SLC35F3: variants seen among roughly 807,000 people sequenced by gnomAD.
SLC35F3 encodes putative thiamine transporter SLC35F3.
SLC35F3 carries 25 observed loss-of-function variants against 49.9 expected under a neutral mutation model. That is an observed-to-expected ratio of 0.50 (90% CI 0.37 to 0.70). The LOEUF is 0.70. SLC35F3 is among the 30% of genes least tolerant of loss of function. The probability of loss-of-function intolerance (pLI) is 0.00; values close to 1 mark genes in which losing one functional copy is unlikely to be tolerated. For synonymous variants in SLC35F3, 275 were observed against 265.4 expected (o/e 1.04, Z -0.35); for missense variants, 525 against 639.8 (o/e 0.82, Z 1.94).
At chr1:234,268,236 C>G (rs1470214579) in intron 3 of SLC35F3, among the ~76,000 whole-genome samples, 1 of 152,180 alleles carries the variant, frequency 6.6e-6, no homozygotes, top group Non-Finnish European at 1.5e-5. Context: ...GCGGATCACT[C>G]GCGATTAGGA....
chr1:234,171,436 AG>A (rs1227212903), intron 2 of SLC35F3, among the ~76,000 whole-genome samples: 1 of 152,236 alleles, frequency 6.6e-6, no homozygotes, highest in Non-Finnish European at 1.5e-5. Flanking sequence ...ATGTTGAGAT[AG>A]ATGTAAATTT....
chr1:234,236,925 TTA>T (rs55846915), intron 3 of SLC35F3, among the ~76,000 whole-genome samples: 1,682 of 96,084 alleles, frequency 0.018, 43 homozygotes, highest in African/African-American at 0.058. Flanking sequence ...AAAAAAAAAA[TTA>T]TATATATATA....
intron 2 of SLC35F3, among the ~76,000 whole-genome samples, chr1:233,989,847 G>T (rs1663324701): frequency 6.6e-6 from 1 of 151,900 alleles, no homozygotes; most frequent in African/African-American, 2.4e-5. Context: ...TTTACTAGCT[G>T]GGCTATCACA....
intron 2 of SLC35F3, among the ~76,000 whole-genome samples, chr1:233,978,885 G>A (rs1663134447): frequency 6.6e-6 from 1 of 151,902 alleles, no homozygotes; most frequent in South Asian, 2.1e-4. Context: ...ACAAAAATTA[G>A]TATTTTTAGA....
intron 2 of SLC35F3, among the ~76,000 whole-genome samples, chr1:234,136,781 C>T (rs1292091587): frequency 2.0e-5 from 3 of 152,222 alleles, no homozygotes; most frequent in African/African-American, 4.8e-5. Context: ...TGCAGGCCAG[C>T]CTGTTGACCT....
At chr1:233,996,420 G>A (rs921537059) in intron 2 of SLC35F3, among the ~76,000 whole-genome samples, 11 of 152,070 alleles carry the variant, frequency 7.2e-5, no homozygotes, top group African/African-American at 2.2e-4. Context: ...ATACTGAGGG[G>A]CAACTCTGTA....
chr1:233,993,877 A>G (rs1266432001), intron 2 of SLC35F3, among the ~76,000 whole-genome samples: 1 of 152,196 alleles, frequency 6.6e-6, no homozygotes, highest in Non-Finnish European at 1.5e-5. Flanking sequence ...CTCAGGAAGT[A>G]CAGATGACTC....
chr1:234,224,573 G>C (rs1046880403), intron 2 of SLC35F3, among the ~76,000 whole-genome samples: 4 of 152,196 alleles, frequency 2.6e-5, no homozygotes, highest in African/African-American at 9.7e-5. Flanking sequence ...CATACCTGAA[G>C]TCCCTCTTTA....
chr1:234,231,214 C>T lies in SLC35F3; in HGVS notation c.284-203C>T. Among the ~76,000 whole-genome samples the T allele has an allele frequency of 6.6e-6, 1 of 152,184 alleles. No individual in the cohort carries two copies. The highest frequency in any genetic ancestry group is 1.9e-4 in the East Asian group (1 of 5,190). Reference sequence around the variant, plus strand: ...CCCAGGGACCACACTTGGAGAGCCTCGGACCTGGAGGACAGGAAAACCAGT... The same window carrying T: ...CCCAGGGACCACACTTGGAGAGCCTTGGACCTGGAGGACAGGAAAACCAGT... On this transcript the variant is annotated intron_variant, in intron 2 of 7. Transcript: ENST00000366618. This position sits in a 1 kb window ranked among gnomAD's most constrained non-coding sequence, Gnocchi z 5.4.
intron 3 of SLC35F3, among the ~76,000 whole-genome samples, chr1:234,239,388 C>T (rs1449265654): frequency 6.6e-6 from 1 of 152,136 alleles, no homozygotes; most frequent in Non-Finnish European, 1.5e-5. Flanking sequence ...AATGTGGAGC[C>T]ATTTCTTACT....
chr1:234,056,028 GTTTT>G (rs1664453008), intron 2 of SLC35F3, among the ~76,000 whole-genome samples: 1 of 151,952 alleles, frequency 6.6e-6, no homozygotes, highest in South Asian at 2.1e-4. Context: ...TTGTTTTCTA[GTTTT>G]TTTAAGTCTT....
intron 2 of SLC35F3, among the ~76,000 whole-genome samples, chr1:234,195,641 C>T (rs1395977417): frequency 1.3e-5 from 2 of 152,054 alleles, no homozygotes; most frequent in Non-Finnish European, 2.9e-5. Flanking sequence ...CCTGAAAACC[C>T]ATTAATACCC....
Position 234,219,530 on chromosome 1 carries a change from T to A in SLC35F3, c.284-11887T>A, listed in dbSNP as rs1200997916. 3.9e-5 allele frequency among the ~76,000 whole-genome samples: 6 copies of A among 152,226 alleles called. No individual in the cohort carries two copies. The South Asian group carries it at 8.3e-4, about 21-fold the overall frequency. On this transcript the variant is annotated intron_variant, in intron 2 of 7. Coordinates refer to ENST00000366618, the MANE Select transcript of SLC35F3 (RefSeq NM_173508.4). ...ACAGAGCTTCCAATCGAGTGAGGAA[T>A]GTCAGAAAGGCATACCAATAAAGAA...
intron 2 of SLC35F3, among the ~76,000 whole-genome samples, chr1:234,059,974 T>C (rs1475391651): frequency 6.6e-6 from 1 of 152,174 alleles, no homozygotes; most frequent in Non-Finnish European, 1.5e-5. Context: ...CAAATGTTAA[T>C]CTCCTTTGGC....
chr1:234,273,042 T>C (rs1023076163), intron 3 of SLC35F3, among the ~76,000 whole-genome samples: 1 of 152,216 alleles, frequency 6.6e-6, no homozygotes, highest in Non-Finnish European at 1.5e-5. Flanking sequence ...TTCTGTCACC[T>C]TTTCCTTGTA....
At chr1:234,031,349 C>G (rs1362357783) in intron 2 of SLC35F3, among the ~76,000 whole-genome samples, 1 of 152,188 alleles carries the variant, frequency 6.6e-6, no homozygotes, top group East Asian at 1.9e-4. Flanking sequence ...AGGACCTGGT[C>G]CCCTCTACAC....
chr1:234,180,768 G>A (rs2102923416), intron 2 of SLC35F3, among the ~76,000 whole-genome samples: 1 of 152,246 alleles, frequency 6.6e-6, no homozygotes, highest in Non-Finnish European at 1.5e-5. Flanking sequence ...TACCCAGGCA[G>A]GGAAGGAGGG....
intron 2 of SLC35F3, among the ~76,000 whole-genome samples, chr1:233,959,986 C>T (rs1475154817): frequency 1.3e-5 from 2 of 152,196 alleles, no homozygotes; most frequent in Non-Finnish European, 2.9e-5. Context: ...AGGACCTAGA[C>T]ATACTTGCCA....
intron 2 of SLC35F3, among the ~76,000 whole-genome samples, chr1:234,042,679 C>A (rs754682737): frequency 4.6e-5 from 7 of 152,186 alleles, no homozygotes; most frequent in Non-Finnish European, 1.0e-4. Context: ...AACATCCTGA[C>A]ACAATTATTT....
Sources: gnomAD v4.1 joint callset for allele counts (sites outside exome capture counted in the v4.1 genomes callset) on GRCh38, gnomAD v4.1.1 for gene constraint, Gnocchi (gnomAD v3.1) non-coding constraint, MANE v1.5 for transcripts, NCBI Gene and HGNC (gene_info 2026-07-23, HGNC 2026-07-21) for gene names.